The following PRDM16 variants were observed in gnomAD, a reference collection of about 807,000 sequenced individuals.
PRDM16 encodes PR/SET domain 16, also known as histone-lysine N-methyltransferase PRDM16.
PRDM16 carries 23 observed loss-of-function variants against 110.6 expected under a neutral mutation model. The observed-to-expected ratio is 0.21, with a 90% CI of 0.15 to 0.29. The LOEUF (loss-of-function observed/expected upper bound fraction) is 0.29. Ranked by LOEUF, PRDM16 falls within the 10% of genes least tolerant of loss-of-function variation. PRDM16 has a pLI of 1.00. For missense variants in PRDM16, 1,615 were observed against 1,794.3 expected (o/e 0.90, Z 1.81); for synonymous variants, 799 against 781.8 (o/e 1.02, Z -0.37).
intron 3 of PRDM16, among the ~76,000 whole-genome samples, chr1:3,320,988 C>T (rs6690558): frequency 0.039 from 5,876 of 152,318 alleles, 375 homozygotes; most frequent in African/African-American, 0.13. Flanking sequence ...AGACGAAACG[C>T]GTGCCCTTCC....
chr1:3,379,161 CACACCCCTCCCAAA>C lies in PRDM16; in HGVS notation c.439-5977_439-5964del, dbSNP rs1372655720. ...ACCCCTCCCAGCACACCCCTCCCAG[CACACCCCTCCCAAA>C]ACACCCCTCCCAACACACCCCTCCC... On this transcript the variant is annotated intron_variant, in intron 3 of 16. Transcript: ENST00000270722. Among the ~76,000 whole-genome samples the C allele has an allele frequency of 4.1e-4, 28 of 68,028 alleles. No individual in the cohort carries two copies. The East Asian group carries it at 9.5e-3, about 23-fold the overall frequency. The allele number at this position is 68,028 out of a possible 152,430, so 44.6% of individuals were successfully genotyped here.
intron 2 of PRDM16, among the ~76,000 whole-genome samples, chr1:3,218,107 GT>G (rs1639073610): frequency 6.6e-6 from 1 of 152,232 alleles, no homozygotes; most frequent in South Asian, 2.1e-4. Flanking sequence ...TCGTGGCCAA[GT>G]GAAGAAGAGT....
At chr1:3,291,216 G>A (rs55866132) in intron 3 of PRDM16, among the ~76,000 whole-genome samples, 10,073 of 152,194 alleles carry the variant, frequency 0.066, 500 homozygotes, top group African/African-American at 0.14. Context: ...CTGCCTCAGA[G>A]ACTGGAGAGA....
chr1:3,171,944 G>T (rs113080595), intron 1 of PRDM16, among the ~76,000 whole-genome samples: 1 of 152,070 alleles, frequency 6.6e-6, no homozygotes, highest in African/African-American at 2.4e-5. Context: ...CGGCCTCCGC[G>T]CCACCGGGGG....
At chr1:3,356,647 C>T (rs761044980) in intron 3 of PRDM16, among the ~76,000 whole-genome samples, 1 of 152,222 alleles carries the variant, frequency 6.6e-6, no homozygotes. Context: ...TGATCTTAGC[C>T]TGCCCCAGAG....
intron 2 of PRDM16, 192 bp downstream of exon 2, chr1:3,186,666 G>A (rs1447394719): frequency 7.5e-6 from 4 of 530,634 alleles, no homozygotes; most frequent in South Asian, 5.9e-5. Context: ...AGAGGTCCTC[G>A]TGGGTGCCTG....
At chr1:3,298,466 T>A (rs1482530715) in intron 3 of PRDM16, among the ~76,000 whole-genome samples, 1 of 152,242 alleles carries the variant, frequency 6.6e-6, no homozygotes, top group Non-Finnish European at 1.5e-5. Context: ...ACTGAAGCTT[T>A]CACTTTACTT....
chr1:3,357,965 T>C (rs928729213), intron 3 of PRDM16, among the ~76,000 whole-genome samples: 5 of 152,174 alleles, frequency 3.3e-5, no homozygotes, highest in African/African-American at 1.2e-4. Flanking sequence ...ACACTGACCA[T>C]GAGGCAAGAG....
At position 3,321,440 on chromosome 1, in the gene PRDM16, G is replaced by A. The variant is rs116064565; in HGVS notation, c.439-63712G>A. On this transcript the variant is annotated intron_variant, in intron 3 of 16. Coordinates refer to ENST00000270722, the MANE Select transcript of PRDM16 (RefSeq NM_022114.4). ...TGCATTTGTGTGTGGGTGCACATGT[G>A]TTTGTGTTTGTGGGGGGCACATGTG... 5.6e-3 allele frequency among the ~76,000 whole-genome samples: 845 copies of A among 152,052 alleles called. 9 individuals are homozygous for A. The highest frequency in any genetic ancestry group is 0.019 in the African/African-American group (785 of 41,480).
chr1:3,376,363 G>A (rs1261322715), intron 3 of PRDM16, among the ~76,000 whole-genome samples: 1 of 152,210 alleles, frequency 6.6e-6, no homozygotes, highest in Admixed American at 6.5e-5. Context: ...CCCCAGGCGT[G>A]GACTCCACGT....
At chr1:3,150,384 C>G (rs954064719) in intron 1 of PRDM16, among the ~76,000 whole-genome samples, 2 of 126,538 alleles carry the variant, frequency 1.6e-5, no homozygotes, top group Non-Finnish European at 3.2e-5. Context: ...GGTAAAACCC[C>G]ATCTCAAAAA....
intron 1 of PRDM16, among the ~76,000 whole-genome samples, chr1:3,181,228 A>ACACGGCCTTACG (rs1363369993): frequency 7.4e-6 from 1 of 134,340 alleles, no homozygotes; most frequent in Non-Finnish European, 1.7e-5. Context: ...GCAGTCTTAC[A>ACACGGCCTTACG]CACGGTCTTA....
intron 1 of PRDM16, among the ~76,000 whole-genome samples, chr1:3,129,341 G>C (rs1643284823): frequency 7.6e-6 from 1 of 131,678 alleles, no homozygotes; most frequent in East Asian, 2.2e-4. Context: ...TGTCCTGCCT[G>C]GTTGTGTGTG....
chr1:3,287,266 G>A (rs1405874096), intron 3 of PRDM16, among the ~76,000 whole-genome samples: 35 of 148,404 alleles, frequency 2.4e-4, no homozygotes, highest in East Asian at 1.4e-3. Flanking sequence ...CGGGGCTGGA[G>A]GCGCCCCGCC....
chr1:3,380,826 C>T (rs1051704201), intron 3 of PRDM16, among the ~76,000 whole-genome samples: 1 of 152,192 alleles, frequency 6.6e-6, no homozygotes, highest in African/African-American at 2.4e-5. Context: ...CCCAGTGACT[C>T]GATGCATTCA....
intron 1 of PRDM16, among the ~76,000 whole-genome samples, chr1:3,176,038 TCCATCCCCTCATCCATCCATCCAA>T (rs1644081906): frequency 1.0e-5 from 1 of 96,506 alleles, no homozygotes; most frequent in African/African-American, 5.0e-5. Flanking sequence ...TATCCACCCA[TCCATCCCCTCATCCATCCATCCAA>T]CCATCCATCC....
rs951573571 is a variant in PRDM16, at chr1:3,390,448, C to T, written c.573+5162C>T. Among the ~76,000 whole-genome samples, 2 of 152,170 alleles carry T rather than the reference C, an allele frequency of 1.3e-5. No individual in the cohort carries two copies. Among genetic ancestry groups the T allele is most frequent in the African/African-American group, 4.8e-5 (2 of 41,440 alleles). ...CAATCTGCATAGCGCCCTGGGGCTG[C>T]CTGGGCATCAGACAAACCCCAAAAC... On this transcript the variant is annotated intron_variant, in intron 4 of 16. Transcript: ENST00000270722. This position sits in a 1 kb window ranked among gnomAD's most constrained non-coding sequence, Gnocchi z 5.0.
intron 3 of PRDM16, among the ~76,000 whole-genome samples, chr1:3,363,486 C>G (rs1281268026): frequency 6.6e-6 from 1 of 152,212 alleles, no homozygotes; most frequent in African/African-American, 2.4e-5. Context: ...ACTTGGAAGC[C>G]TCTGCCAAGC....
At chr1:3,421,630 A>G (rs2100683153) in intron 12 of PRDM16, among the ~76,000 whole-genome samples, 1 of 152,332 alleles carries the variant, frequency 6.6e-6, no homozygotes, top group East Asian at 1.9e-4. Flanking sequence ...CTCTGCAACC[A>G]AATTGAACGC....
Sources: gnomAD v4.1 joint callset for allele counts (sites outside exome capture counted in the v4.1 genomes callset) on GRCh38, gnomAD v4.1.1 for gene constraint, Gnocchi (gnomAD v3.1) non-coding constraint, MANE v1.5 for transcripts, NCBI Gene and HGNC (gene_info 2026-07-23, HGNC 2026-07-21) for gene names.